ULK4: variants seen among roughly 807,000 people sequenced by gnomAD.
ULK4 encodes unc-51 like kinase 4.
ULK4 carries 133 observed loss-of-function variants against 160.6 expected under a neutral mutation model. That is an observed-to-expected ratio of 0.83 (90% CI 0.72 to 0.96). The LOEUF (loss-of-function observed/expected upper bound fraction) is 0.96. ULK4 is among the 40% of genes least tolerant of loss of function. The pLI is 0.00. For synonymous variants in ULK4, 534 were observed against 539.8 expected (o/e 0.99, Z 0.15); for missense variants, 1,580 against 1,499.5 (o/e 1.05, Z -0.89).
At chr3:41,877,876 G>T (rs1409362258) in intron 17 of ULK4, among the ~76,000 whole-genome samples, 1 of 151,850 alleles carries the variant, frequency 6.6e-6, no homozygotes, top group Non-Finnish European at 1.5e-5. Context: ...AGCTACTCAA[G>T]AGGCTAAGGC....
chr3:41,687,374 G>GA (rs879559730), intron 27 of ULK4, among the ~76,000 whole-genome samples: 171 of 119,676 alleles, frequency 1.4e-3, no homozygotes, highest in African/African-American at 1.6e-3. Context: ...TCCATCTCAA[G>GA]AAAAAAAAAA....
At chr3:41,249,697 G>A (rs2125666363) in intron 35 of ULK4, 123 bp from the exon 36 acceptor site, 8 of 983,602 alleles carry the variant, frequency 8.1e-6, no homozygotes, top group Non-Finnish European at 1.1e-5. Context: ...ACTGGGGGGT[G>A]TCCCCTGGGC....
At chr3:41,481,667 A>C (rs2084325884) in intron 32 of ULK4, among the ~76,000 whole-genome samples, 1 of 151,384 alleles carries the variant, frequency 6.6e-6, no homozygotes, top group Non-Finnish European at 1.5e-5. Flanking sequence ...CTCTACTAAA[A>C]ATACAAAAAA....
intron 5 of ULK4, among the ~76,000 whole-genome samples, chr3:41,922,234 T>C: frequency 6.6e-6 from 1 of 152,122 alleles, no homozygotes; most frequent in Admixed American, 6.6e-5. Flanking sequence ...AAGCCTGTAC[T>C]CCTAGCTACT....
chr3:41,294,127 G>A (rs2079624638), intron 35 of ULK4, among the ~76,000 whole-genome samples: 1 of 152,218 alleles, frequency 6.6e-6, no homozygotes, highest in Non-Finnish European at 1.5e-5. Context: ...GTGCAACAGT[G>A]TTAGGAGATG....
At chr3:41,247,121 G>T in intron 36 of ULK4, 129 bp from the exon 37 acceptor site, 2 of 889,590 alleles carry the variant, frequency 2.2e-6, no homozygotes, top group Non-Finnish European at 3.6e-6. Flanking sequence ...CTCTTGGGAA[G>T]CAGAAGCAGG....
intron 33 of ULK4, among the ~76,000 whole-genome samples, chr3:41,456,635 T>A (rs1393586704): frequency 6.6e-6 from 1 of 152,234 alleles, no homozygotes; most frequent in African/African-American, 2.4e-5. Flanking sequence ...TAGAGATGAA[T>A]AATTTTATAT....
chr3:41,775,028 C>A (rs1175064643), intron 21 of ULK4, among the ~76,000 whole-genome samples: 1 of 139,384 alleles, frequency 7.2e-6, no homozygotes. Context: ...ACAATGGGAA[C>A]ACATGGACAC....
chr3:41,696,427 A>C (rs968194387), intron 27 of ULK4, among the ~76,000 whole-genome samples: 5 of 152,188 alleles, frequency 3.3e-5, no homozygotes, highest in African/African-American at 1.2e-4. Flanking sequence ...TCCAGTGGAC[A>C]CGTGACCCAC....
chr3:41,664,805 A>G (rs570527572), intron 29 of ULK4, among the ~76,000 whole-genome samples: 1 of 152,278 alleles, frequency 6.6e-6, no homozygotes, highest in Non-Finnish European at 1.5e-5. Flanking sequence ...CAGCATTCTT[A>G]TTATTAATAC....
intron 35 of ULK4, among the ~76,000 whole-genome samples, chr3:41,349,097 C>A (rs957194397): frequency 1.3e-5 from 2 of 152,196 alleles, no homozygotes; most frequent in Non-Finnish European, 2.9e-5. Flanking sequence ...CTGAGCACAT[C>A]TGGAAGACCA....
intron 35 of ULK4, among the ~76,000 whole-genome samples, chr3:41,357,154 T>C (rs1220119856): frequency 6.6e-6 from 1 of 152,148 alleles, no homozygotes; most frequent in Non-Finnish European, 1.5e-5. Flanking sequence ...GTGAGGACAT[T>C]TGGGTAAACA....
At chr3:41,747,872 G>A (rs1362511299) in intron 22 of ULK4, among the ~76,000 whole-genome samples, 1 of 151,974 alleles carries the variant, frequency 6.6e-6, no homozygotes, top group Non-Finnish European at 1.5e-5. Flanking sequence ...GAAACTGTGA[G>A]AAAATAAATT....
intron 22 of ULK4, among the ~76,000 whole-genome samples, chr3:41,745,373 GA>G (rs34887633): frequency 0.057 from 8,569 of 151,048 alleles, 944 homozygotes; most frequent in African/African-American, 0.19. Flanking sequence ...TGGAATACTA[GA>G]AAAAAAATTT....
intron 35 of ULK4, among the ~76,000 whole-genome samples, chr3:41,364,781 G>C (rs994258087): frequency 6.6e-6 from 1 of 152,182 alleles, no homozygotes; most frequent in African/African-American, 2.4e-5. Context: ...TATGGAACTG[G>C]CTAGAGACAG....
At chr3:41,747,244 C>T (rs2038449821) in intron 22 of ULK4, among the ~76,000 whole-genome samples, 1 of 151,770 alleles carries the variant, frequency 6.6e-6, no homozygotes, top group African/African-American at 2.4e-5. Context: ...ATTTGCAAAC[C>T]GTATATCTGA....
At chr3:41,688,280 A>G (rs2036165149) in intron 27 of ULK4, among the ~76,000 whole-genome samples, 1 of 152,192 alleles carries the variant, frequency 6.6e-6, no homozygotes, top group African/African-American at 2.4e-5. Context: ...ATAGCCAAGC[A>G]TGGTGGCTCA....
At chr3:41,518,442 A>T (rs1005473623) in intron 32 of ULK4, among the ~76,000 whole-genome samples, 13 of 152,350 alleles carry the variant, frequency 8.5e-5, no homozygotes, top group Middle Eastern at 3.4e-3. Flanking sequence ...TTTGACTAAA[A>T]GTCAAAGCAA....
At chr3:41,609,370 T>C (rs1159876257) in intron 31 of ULK4, among the ~76,000 whole-genome samples, 1 of 152,184 alleles carries the variant, frequency 6.6e-6, no homozygotes, top group Non-Finnish European at 1.5e-5. Flanking sequence ...TATCAATAGA[T>C]TGTACCCGAG....
Sources: gnomAD v4.1 joint callset for allele counts (sites outside exome capture counted in the v4.1 genomes callset) on GRCh38, gnomAD v4.1.1 for gene constraint, MANE v1.5 for transcripts, NCBI Gene and HGNC (gene_info 2026-07-23, HGNC 2026-07-21) for gene names.